Variants in PPM1L observed in about 807,000 individuals in gnomAD.
PPM1L encodes protein phosphatase 1L.
Under a neutral mutation model 31.4 loss-of-function variants are expected in PPM1L, and 13 were observed. That is an observed-to-expected ratio of 0.41 (90% CI 0.27 to 0.66). PPM1L has a LOEUF of 0.66. Ranked by LOEUF, PPM1L falls within the 30% of genes least tolerant of loss-of-function variation. The probability of loss-of-function intolerance (pLI) is 0.29; values close to 1 mark genes in which losing one functional copy is unlikely to be tolerated. For missense variants in PPM1L, 326 were observed against 453.7 expected (o/e 0.72, Z 2.56); for synonymous variants, 184 against 175.4 (o/e 1.05, Z -0.39).
intron 1 of PPM1L, among the ~76,000 whole-genome samples, chr3:160,761,391 C>T (rs922445551): frequency 6.6e-6 from 1 of 152,118 alleles, no homozygotes; most frequent in Admixed American, 6.5e-5. Context: ...GAAATAACTG[C>T]AAGAATGTTG....
At chr3:160,895,045 C>T (rs916768619) in intron 1 of PPM1L, among the ~76,000 whole-genome samples, 2 of 152,084 alleles carry the variant, frequency 1.3e-5, no homozygotes, top group South Asian at 2.1e-4. Context: ...GTGTTACAGT[C>T]ACATTATTGC....
At chr3:161,054,353 ATT>A (rs1559938820) in intron 2 of PPM1L, among the ~76,000 whole-genome samples, 6 of 150,972 alleles carry the variant, frequency 4.0e-5, no homozygotes, top group Non-Finnish European at 7.4e-5. Context: ...GAACTTCCTC[ATT>A]GACTGACCTT....
chr3:160,835,960 A>T (rs2108101274), intron 1 of PPM1L, among the ~76,000 whole-genome samples: 1 of 152,044 alleles, frequency 6.6e-6, no homozygotes, highest in African/African-American at 2.4e-5. Flanking sequence ...CTGCTTTTTG[A>T]TCACATCCCA....
intron 1 of PPM1L, among the ~76,000 whole-genome samples, chr3:160,922,113 A>G (rs570362568): frequency 6.6e-6 from 1 of 152,264 alleles, no homozygotes; most frequent in East Asian, 1.9e-4. Context: ...GATCAAGACC[A>G]TCCTGGCTAA....
chr3:160,837,643 T>C (rs1357011710), intron 1 of PPM1L, among the ~76,000 whole-genome samples: 1 of 152,196 alleles, frequency 6.6e-6, no homozygotes, highest in Non-Finnish European at 1.5e-5. Context: ...GGAATGCTTG[T>C]CCTTGTTGCA....
At chr3:160,915,055 C>T (rs1714118133) in intron 1 of PPM1L, among the ~76,000 whole-genome samples, 1 of 151,904 alleles carries the variant, frequency 6.6e-6, no homozygotes, top group South Asian at 2.1e-4. Flanking sequence ...AAGTTCTGGC[C>T]AGGGCAATCA....
chr3:160,810,610 C>T (rs1712776996), intron 1 of PPM1L, among the ~76,000 whole-genome samples: 2 of 152,140 alleles, frequency 1.3e-5, no homozygotes, highest in African/African-American at 4.8e-5. Flanking sequence ...AGTTGTATTG[C>T]CCAGACCAAG....
At chr3:160,950,204 G>C (rs1715538427) in intron 1 of PPM1L, among the ~76,000 whole-genome samples, 2 of 152,022 alleles carry the variant, frequency 1.3e-5, no homozygotes, top group Admixed American at 6.5e-5. Flanking sequence ...CCACCTCCTT[G>C]TAGGTAAAAA....
chr3:160,779,823 C>T (rs558291221), intron 1 of PPM1L, among the ~76,000 whole-genome samples: 14 of 152,106 alleles, frequency 9.2e-5, no homozygotes, highest in South Asian at 2.1e-4. Context: ...TGATCCACTG[C>T]GTCCGGCCTC....
intron 2 of PPM1L, among the ~76,000 whole-genome samples, chr3:161,002,331 A>G (rs1418074428): frequency 3.3e-5 from 5 of 152,170 alleles, no homozygotes; most frequent in Non-Finnish European, 4.4e-5. Context: ...AGCATGATTT[A>G]TAGTCGTTTG....
chr3:160,781,279 G>A (rs964234307), intron 1 of PPM1L, among the ~76,000 whole-genome samples: 1 of 152,124 alleles, frequency 6.6e-6, no homozygotes, highest in Non-Finnish European at 1.5e-5. Flanking sequence ...TATAGCTTAG[G>A]GATGGCCTTA....
intron 2 of PPM1L, among the ~76,000 whole-genome samples, chr3:161,003,312 G>C (rs1173002177): frequency 2.0e-5 from 3 of 149,150 alleles, no homozygotes; most frequent in Non-Finnish European, 3.0e-5. Flanking sequence ...GGATTGACTT[G>C]GCAATGTGGG....
intron 1 of PPM1L, among the ~76,000 whole-genome samples, chr3:160,762,946 A>G (rs1440529314): frequency 1.3e-5 from 2 of 152,158 alleles, no homozygotes; most frequent in African/African-American, 4.8e-5. Context: ...AATGTTAAGT[A>G]TATTTATTTG....
At chr3:160,874,899 T>G (rs1285248677) in intron 1 of PPM1L, among the ~76,000 whole-genome samples, 1 of 152,168 alleles carries the variant, frequency 6.6e-6, no homozygotes, top group Non-Finnish European at 1.5e-5. Flanking sequence ...GTTTGAGTTT[T>G]CCCAGTGTAG....
intron 1 of PPM1L, among the ~76,000 whole-genome samples, chr3:160,841,835 G>A (rs1576664763): frequency 1.3e-5 from 2 of 152,176 alleles, no homozygotes; most frequent in East Asian, 1.9e-4. Flanking sequence ...TGAATACAGT[G>A]AAATATTGAA....
rs1044409672 is a variant in PPM1L at position 160,882,395 on chromosome 3, A to G, written c.400-79341A>G. The stretch of plus-strand genomic sequence containing the variant: ...TGTAAAGCTTTGAGAACAAGTATGC[A>G]TATTTTAGTTATAGGATCAAGATAG... On this transcript the variant is annotated intron_variant, in intron 1 of 3. Coordinates refer to ENST00000498165, the MANE Select transcript of PPM1L (RefSeq NM_139245.4). The G allele has an allele frequency of 2.6e-5, 4 of 152,342 alleles. No homozygotes were observed. In the South Asian group the frequency reaches 8.3e-4, roughly 32 times the overall value. 9.4% of individuals were successfully genotyped at this position (152,342 alleles called of 1,614,324 possible).
At chr3:160,758,528 G>T (rs753086850) in intron 1 of PPM1L, among the ~76,000 whole-genome samples, 38 of 152,074 alleles carry the variant, frequency 2.5e-4, no homozygotes, top group Non-Finnish European at 4.9e-4. Context: ...TGAAATTTTG[G>T]GTTGTGGTTG....
intron 2 of PPM1L, among the ~76,000 whole-genome samples, chr3:161,051,467 T>C (rs1385218645): frequency 6.6e-6 from 1 of 152,068 alleles, no homozygotes; most frequent in East Asian, 1.9e-4. Flanking sequence ...GAGGGTCATC[T>C]TCATTCAGTA....
intron 2 of PPM1L, among the ~76,000 whole-genome samples, chr3:160,991,750 A>G (rs578010558): frequency 3.0e-4 from 45 of 152,252 alleles, no homozygotes; most frequent in African/African-American, 1.0e-3. Context: ...TGAGAACCCA[A>G]TCTTCAACTG....
Sources: allele counts gnomAD v4.1 joint callset (sites outside exome capture counted in the v4.1 genomes callset), GRCh38; gene constraint gnomAD v4.1.1; transcripts MANE v1.5; gene names NCBI Gene and HGNC (gene_info 2026-07-23, HGNC 2026-07-21).